Variants in TBCCD1 observed in about 807,000 individuals in gnomAD.
The protein encoded by TBCCD1 is TBCC domain-containing protein 1.
In TBCCD1, 26 loss-of-function variants were observed where a neutral mutation model predicts 53.4. The ratio of observed to expected loss-of-function variants is 0.49; its 90% confidence interval spans 0.36 to 0.68. The LOEUF is 0.68. Among genes scored for constraint, TBCCD1 ranks in the 30% least tolerant of loss-of-function variants. The probability of loss-of-function intolerance (pLI) is 0.00; values close to 1 mark genes in which losing one functional copy is unlikely to be tolerated. For synonymous variants in TBCCD1, 245 were observed against 241.7 expected (o/e 1.01, Z -0.13); for missense variants, 558 against 669.5 (o/e 0.83, Z 1.84).
At chr3:186,563,853 CG>C (rs1560229716) in intron 2 of TBCCD1, 140 bp downstream of exon 2, 5 of 980,250 alleles carry the variant, frequency 5.1e-6, no homozygotes, top group Non-Finnish European at 7.2e-6. Flanking sequence ...TGCTTGAAGC[CG>C]GGAGTTCAAG....
intron 6 of TBCCD1, among the ~76,000 whole-genome samples, chr3:186,552,149 G>C (rs1002087927): frequency 6.6e-6 from 1 of 152,044 alleles, no homozygotes; most frequent in Non-Finnish European, 1.5e-5. Context: ...TTTGAGCTTA[G>C]GTCTAAATGA....
intron 1 of TBCCD1, among the ~76,000 whole-genome samples, 167 bp downstream of exon 1, chr3:186,567,100 G>A (rs990407716): frequency 6.6e-6 from 1 of 152,222 alleles, no homozygotes; most frequent in Admixed American, 6.5e-5. Flanking sequence ...GGGACTCTGC[G>A]TGGGCCGCCC....
At position 186,546,099 on chromosome 3, in the gene TBCCD1, C is replaced by G. The variant is rs1390430366; in HGVS notation, c.*878G>C. ...GAGTTTGTTTATTGAAAATTTGAAG[C>G]AGGAAGTGAAAAATAAAGATTTTTT... On this transcript the variant is annotated 3_prime_UTR_variant, in exon 8 of 8. Coordinates refer to ENST00000338733, the MANE Select transcript of TBCCD1 (RefSeq NM_018138.5). 1 of 152,064 alleles carries G rather than the reference C, an allele frequency of 6.6e-6. No individual in the cohort carries two copies. Among genetic ancestry groups the G allele is most frequent in the Non-Finnish European group, 1.5e-5 (1 of 67,986 alleles). The allele number at this position is 152,064 out of a possible 1,614,324, so 9.4% of individuals were successfully genotyped here.
Position 186,556,728 on chromosome 3 carries a change from A to G in TBCCD1, c.540T>C (p.Ser180=). The change falls in exon 4 of 8, where the codon TCT becomes TCC. Residue 180 remains serine, a synonymous_variant. Coordinates refer to ENST00000338733, the MANE Select transcript of TBCCD1 (RefSeq NM_018138.5). ...GATCTAAAAGCAGCTCGAGGAGATC[A>G]GACAGATGATCATAGACAAAAGCTT... is the stretch of plus-strand genomic sequence containing the variant. ...SHQAFVYDHL[S]DLLELLLDPK... 2 of 1,614,224 alleles carry G rather than the reference A, an allele frequency of 1.2e-6. No homozygotes were observed. The highest frequency in any genetic ancestry group is 1.7e-6 in the Non-Finnish European group (2 of 1,180,036).
chr3:186,554,322 T>C lies in TBCCD1; in HGVS notation c.1476A>G (p.Lys492=). ...IPGGLPSVYQ[K]ALGQREQKIQ... Reference sequence around the variant, plus strand: ...TCTTCTGTTCTCTTTGACCCAGTGCTTTCTGATATACAGATGGAAGACCCC... The same window carrying C: ...TCTTCTGTTCTCTTTGACCCAGTGCCTTCTGATATACAGATGGAAGACCCC... Residue 492 remains lysine, a synonymous_variant, in exon 6 of 8, where the codon AAA becomes AAG. Coordinates refer to ENST00000338733, the MANE Select transcript of TBCCD1 (RefSeq NM_018138.5). The C allele has an allele frequency of 6.2e-7, 1 of 1,614,260 alleles. No homozygotes were observed. Among genetic ancestry groups the C allele is most frequent in the Non-Finnish European group, 8.5e-7 (1 of 1,180,044 alleles).
intron 2 of TBCCD1, among the ~76,000 whole-genome samples, chr3:186,559,217 T>C: frequency 6.6e-6 from 1 of 152,100 alleles, no homozygotes; most frequent in East Asian, 1.9e-4. Context: ...CCTTAGTAAT[T>C]TGAATAAATA....
intron 7 of TBCCD1, among the ~76,000 whole-genome samples, chr3:186,549,754 C>T (rs929385623): frequency 6.6e-6 from 1 of 152,178 alleles, no homozygotes; most frequent in Admixed American, 6.5e-5. Context: ...ATACACTTTC[C>T]TAGTGGTAAA....
chr3:186,567,752 G>A (rs185216712), upstream of TBCCD1, among the ~76,000 whole-genome samples: 2 of 152,290 alleles, frequency 1.3e-5, no homozygotes, highest in Middle Eastern at 3.4e-3. Flanking sequence ...TTTTACTGAT[G>A]AAGAAACTAG....
Position 186,564,514 on chromosome 3 carries a change from G to C in TBCCD1, c.-43-142C>G, listed in dbSNP as rs779974261. The C allele has an allele frequency of 8.1e-4, 448 of 549,896 alleles. 5 individuals are homozygous for C. Among genetic ancestry groups the C allele is most frequent in the Admixed American group, 1.3e-3 (36 of 27,874 alleles). 34.1% of individuals were successfully genotyped at this position (549,896 alleles called of 1,614,324 possible). A position where few individuals can be genotyped will look rare whatever the true frequency, so the allele number is the denominator to read the frequency against. On this transcript the variant is annotated intron_variant, in intron 1 of 7. Transcript: ENST00000338733. ...AAGGCAGCTCTAGTTCACCAACCAAGAGCAGAACAGTTTTTTTAATCAGAT... is the reference window on the plus strand; with the variant it reads ...AAGGCAGCTCTAGTTCACCAACCAACAGCAGAACAGTTTTTTTAATCAGAT...
At chr3:186,568,653 C>G (rs1170150292), upstream of TBCCD1, among the ~76,000 whole-genome samples, 1 of 152,104 alleles carries the variant, frequency 6.6e-6, no homozygotes, top group African/African-American at 2.4e-5. Flanking sequence ...ATAATCCCAG[C>G]AGTTTGGGAG....
upstream of TBCCD1, among the ~76,000 whole-genome samples, chr3:186,568,421 GAA>G (rs1384972032): frequency 6.6e-6 from 1 of 152,178 alleles, no homozygotes; most frequent in Non-Finnish European, 1.5e-5. Context: ...GCTGAGGCCT[GAA>G]GAGTAAGAAG....
At chr3:186,563,092 T>C (rs1397934826) in intron 2 of TBCCD1, among the ~76,000 whole-genome samples, 1 of 152,202 alleles carries the variant, frequency 6.6e-6, no homozygotes, top group Admixed American at 6.5e-5. Flanking sequence ...ACAAAGCTGA[T>C]TAACAGTGAC....
At chr3:186,549,564 G>A (rs1714310981) in intron 7 of TBCCD1, among the ~76,000 whole-genome samples, 1 of 152,196 alleles carries the variant, frequency 6.6e-6, no homozygotes, top group South Asian at 2.1e-4. Flanking sequence ...TCCCAGCTGA[G>A]ACAGGATTGC....
At position 186,554,461 on chromosome 3, in the gene TBCCD1, A is replaced by T. The variant is rs1207094952; in HGVS notation, c.1337T>A (p.Met446Lys). 1.2e-6 allele frequency: 2 copies of T among 1,614,104 alleles called. No individual in the cohort carries two copies. Among genetic ancestry groups the T allele is most frequent in the African/African-American group, 2.7e-5 (2 of 74,940 alleles). Residue 446 changes from methionine to lysine, a missense_variant, in exon 6 of 8, where the codon ATG becomes AAG. Transcript: ENST00000338733. ...ATVPNYWDNP[M>K]VVCRENSDTR... ...GTCGCTGTTCTCTCTGCACACAACC[A>T]TTGGATTATCCCAATAGTTAGGCAC...
intron 1 of TBCCD1, among the ~76,000 whole-genome samples, chr3:186,566,147 C>A (rs953310081): frequency 2.6e-5 from 4 of 151,972 alleles, no homozygotes; most frequent in African/African-American, 9.7e-5. Flanking sequence ...AAACGATTCT[C>A]CTGCCTCAGC....
At chr3:186,557,166 CT>C (rs1030298510) in intron 3 of TBCCD1, among the ~76,000 whole-genome samples, 1 of 152,190 alleles carries the variant, frequency 6.6e-6, no homozygotes, top group African/African-American at 2.4e-5. Context: ...AGAGGTCGTG[CT>C]GTAGTATAAA....
chr3:186,555,117 G>C, intron 4 of TBCCD1, 33 bp from the exon 5 acceptor site: 3 of 1,552,022 alleles, frequency 1.9e-6, no homozygotes, highest in Non-Finnish European at 2.6e-6. Flanking sequence ...AGATGAGGCA[G>C]TATCAAATCA....
chr3:186,554,175 T>C (rs1441075436), intron 6 of TBCCD1, 79 bp downstream of exon 6: 1 of 1,571,410 alleles, frequency 6.4e-7, no homozygotes, highest in Non-Finnish European at 8.6e-7. Context: ...TTAGCACAGC[T>C]GTAAAAATGT....
At chr3:186,570,132 C>T (rs769385331), upstream of TBCCD1, 2 of 701,560 alleles carry the variant, frequency 2.9e-6, no homozygotes, top group Admixed American at 2.0e-5. Flanking sequence ...GAAGCCGAAT[C>T]CGAACTTAAG....
Sources: gnomAD v4.1 joint callset for allele counts (sites outside exome capture counted in the v4.1 genomes callset) on GRCh38, gnomAD v4.1.1 for gene constraint, MANE v1.5 for transcripts, NCBI Gene and HGNC (gene_info 2026-07-23, HGNC 2026-07-21) for gene names.